The following PHB2 variants were observed in gnomAD, a reference collection of about 807,000 sequenced individuals.
The protein encoded by PHB2 is prohibitin 2, also known as prohibitin-2.
In PHB2, 22 loss-of-function variants were observed where a neutral mutation model predicts 46.4. The ratio of observed to expected loss-of-function variants is 0.47; its 90% CI spans 0.34 to 0.68. The LOEUF (loss-of-function observed/expected upper bound fraction) is 0.68. Among genes scored for constraint, PHB2 ranks in the 30% least tolerant of loss-of-function variants. The pLI is 0.01. For missense variants in PHB2, 305 were observed against 382.8 expected (o/e 0.80, Z 1.70); for synonymous variants, 156 against 150.5 (o/e 1.04, Z -0.27).
rs782519601 is a variant in PHB2, at chr12:6,965,719, GA to G, written c.873-8del. 10 of 1,609,186 alleles carry G rather than the reference GA, an allele frequency of 6.2e-6. No homozygotes were observed. The highest frequency in any genetic ancestry group is 4.5e-5 in the East Asian group (2 of 44,842). On this transcript the variant is annotated splice_region_variant and splice_polypyrimidine_tract_variant and intron_variant, in intron 9 of 9. Coordinates refer to ENST00000535923, the MANE Select transcript of PHB2 (RefSeq NM_001144831.2). The stretch of plus-strand genomic sequence containing the variant: ...ACCCTTGATGAGGCTGTCACTGTAG[GA>G]AAAAAAAGATAGATAATGACATTAT...
intron 2 of PHB2, 76 bp downstream of exon 2, chr12:6,970,120 C>A: frequency 9.3e-7 from 1 of 1,072,466 alleles, no homozygotes; most frequent in Non-Finnish European, 1.4e-6. Flanking sequence ...AATCCTGTTG[C>A]ACGTCCGACT....
In PHB2 at chr12:6,969,571, A is replaced by C. The variant is rs782314294; in HGVS notation, c.219T>G (p.Pro73=). The change falls in exon 3 of 10, where the codon CCT becomes CCG. Residue 73 remains proline, a synonymous_variant. Transcript: ENST00000535923. ...CATAGATAATGGGGTACTGGAACCAAGGGATCCTGGAGAGGACAGGGATAG... is the reference window on the plus strand; with the variant it reads ...CATAGATAATGGGGTACTGGAACCACGGGATCCTGGAGAGGACAGGGATAG... ...ILAEGLHFRI[P]WFQYPIIYDI... The C allele has an allele frequency of 6.2e-7, 1 of 1,604,260 alleles. No homozygotes were observed. Among genetic ancestry groups the C allele is most frequent in the East Asian group, 2.2e-5 (1 of 44,788 alleles).
chr12:6,969,807 G>C (rs1946285888), intron 2 of PHB2: 1 of 503,608 alleles, frequency 2.0e-6, no homozygotes, highest in Non-Finnish European at 3.6e-6. Flanking sequence ...GCTGAGGCAG[G>C]AGAATCGCTT....
At chr12:6,970,326 A>G (rs1565591770) in intron 1 of PHB2, 46 bp from the exon 2 acceptor site, 1 of 1,607,692 alleles carries the variant, frequency 6.2e-7, no homozygotes, top group East Asian at 2.2e-5. Flanking sequence ...TGCTCAGAGG[A>G]AATGCTAGGC....
rs1311457398 is a variant in PHB2, at chr12:6,970,643, G to A, written c.-100C>T. The A allele has an allele frequency of 2.2e-6, 3 of 1,366,928 alleles. No homozygotes were observed. The highest frequency in any genetic ancestry group is 1.5e-5 in the African/African-American group (1 of 68,822). The allele number at this position is 1,366,928 out of a possible 1,614,324, so 84.7% of individuals were successfully genotyped here. Reference sequence around the variant, plus strand: ...TACTGCACCCTTCACACGAGGGTTCGGGCCCGTAAGGCTGGCGAAAGAAAG... The same window carrying A: ...TACTGCACCCTTCACACGAGGGTTCAGGCCCGTAAGGCTGGCGAAAGAAAG... On this transcript the variant is annotated 5_prime_UTR_variant, in exon 1 of 10. Transcript: ENST00000535923.
intron 2 of PHB2, 105 bp downstream of exon 2, chr12:6,970,090 GT>G: frequency 1.2e-6 from 1 of 866,054 alleles, no homozygotes; most frequent in Non-Finnish European, 2.0e-6. Flanking sequence ...GATGAGGAGG[GT>G]GGGAAAAGAG....
chr12:6,969,355 C>T (rs1946276597), intron 3 of PHB2, 143 bp downstream of exon 3: 4 of 510,156 alleles, frequency 7.8e-6, no homozygotes, highest in African/African-American at 3.9e-5. Context: ...TGCTTTGACC[C>T]CAGGAGGCAG....
chr12:6,965,706 G>A lies in PHB2; in HGVS notation c.879C>T (p.Ser293=), dbSNP rs376132821. 9.6e-4 allele frequency: 1,542 copies of A among 1,611,314 alleles called. 23 individuals carry two copies. The South Asian group carries it at 0.016, about 17-fold the overall frequency. Residue 293 remains serine (S), a synonymous_variant, in exon 10 of 10, where the codon AGC becomes AGT. Coordinates refer to ENST00000535923, the MANE Select transcript of PHB2 (RefSeq NM_001144831.2). ...QDESFTRGSD[S]LIKGKK ...AGGCTCATTTCTTACCCTTGATGAG[G>A]CTGTCACTGTAGGAAAAAAAAGATA...
Position 6,968,006 on chromosome 12 carries a change from G to A in PHB2, c.493C>T (p.Arg165Cys), listed in dbSNP as rs782728839. The A allele has an allele frequency of 4.4e-6, 7 of 1,603,730 alleles. No individual in the cohort carries two copies. Among genetic ancestry groups the A allele is most frequent in the Admixed American group, 1.7e-5 (1 of 59,306 alleles). ...TTGGCCCTCTCTGTCAGCTCCCGGCGGATCAACAGGGATACCTGAGGGCAG... is the reference window on the plus strand; with the variant it reads ...TTGGCCCTCTCTGTCAGCTCCCGGCAGATCAACAGGGATACCTGAGGGCAG... Reference protein sequence around the residue: ...TQRAQVSLLIRRELTERAKDF... With the variant: ...TQRAQVSLLICRELTERAKDF... Residue 165 changes from arginine to cysteine, a missense_variant, in exon 5 of 10, where the codon CGC (arginine) becomes TGC (cysteine). This residue lies in a region of PHB2 where 241 missense variants were observed against 302.7 expected (regional missense o/e 0.80). Transcript: ENST00000535923.
intron 1 of PHB2, 28 bp downstream of exon 1, chr12:6,970,389 G>A (rs2099944780): frequency 6.2e-7 from 1 of 1,603,996 alleles, no homozygotes; most frequent in Admixed American, 1.7e-5. Flanking sequence ...GACTGGAAGC[G>A]TCCGGCGAGC....
rs782297873 is a variant in PHB2, at chr12:6,970,187, C to T, written c.212+9G>A. 2.5e-6 allele frequency: 4 copies of T among 1,605,620 alleles called. No homozygotes were observed. The highest frequency in any genetic ancestry group is 1.7e-5 in the Admixed American group (1 of 59,986). On this transcript the variant is annotated intron_variant, in intron 2 of 9. Coordinates refer to ENST00000535923, the MANE Select transcript of PHB2 (RefSeq NM_001144831.2). ...AAGGTCAGGGTCAGCAGGCTCTGCC[C>T]GCCATTACCTGAAGTGAAGGCCCTC... is the stretch of plus-strand genomic sequence containing the variant.
Position 6,967,363 on chromosome 12 carries a change from G to A in PHB2, c.712-115C>T, listed in dbSNP as rs1555150968. ...GTCAGATCCAAGGTTGCGCTCAGGT[G>A]GCTTGTGCCCAGCCCTACCGTGGAC... is the stretch of plus-strand genomic sequence containing the variant. On this transcript the variant is annotated intron_variant, in intron 6 of 9. Coordinates refer to ENST00000535923, the MANE Select transcript of PHB2 (RefSeq NM_001144831.2). This position sits in a 1 kb window ranked among gnomAD's most constrained non-coding sequence, Gnocchi z 4.9. The A allele has an allele frequency of 1.2e-6, 2 of 1,611,084 alleles. No homozygotes were observed. The highest frequency in any genetic ancestry group is 2.7e-5 in the African/African-American group (2 of 74,892).
Position 6,966,621 on chromosome 12 carries a change from G to A in PHB2, c.790-121C>T, listed in dbSNP as rs1320627019. On this transcript the variant is annotated intron_variant, in intron 7 of 9. Coordinates refer to ENST00000535923, the MANE Select transcript of PHB2 (RefSeq NM_001144831.2). ...GATTAGGGCAGGGGTGCAGCAATGAGTAACACATGGTTTCTGCTCGCACTT... is the reference window on the plus strand; with the variant it reads ...GATTAGGGCAGGGGTGCAGCAATGAATAACACATGGTTTCTGCTCGCACTT... 8 of 719,526 alleles carry A rather than the reference G, an allele frequency of 1.1e-5. 1 individual carries two copies. The East Asian group carries it at 2.0e-4, about 18-fold the overall frequency. 44.6% of individuals were successfully genotyped at this position (719,526 alleles called of 1,614,324 possible). A position where few individuals can be genotyped will look rare whatever the true frequency, so the allele number is the denominator to read the frequency against.
rs369609691 is a variant in PHB2 at position 6,968,419 on chromosome 12, G to T, written c.469C>A (p.Arg157=). 1 of 1,605,928 alleles carries T rather than the reference G, an allele frequency of 6.2e-7. No individual in the cohort carries two copies. The highest frequency in any genetic ancestry group is 2.2e-5 in the East Asian group (1 of 44,708). ...KFNASQLITQ[R]AQVSLLIRRE... ...GGTGGTGGGAGTCAGACCTGGGCCC[G>T]CTGGGTGATCAGCTGTGAGGCATTG... The change falls in exon 4 of 10, where the codon CGG becomes AGG. Residue 157 remains arginine (R), a synonymous_variant. Coordinates refer to ENST00000535923, the MANE Select transcript of PHB2 (RefSeq NM_001144831.2).
At chr12:6,968,160 T>TA in intron 4 of PHB2, 139 bp from the exon 5 acceptor site, 1 of 833,152 alleles carries the variant, frequency 1.2e-6, no homozygotes, top group Non-Finnish European at 1.8e-6. Flanking sequence ...ACCTGTAACA[T>TA]AAGCCTCTCT....
Position 6,970,616 on chromosome 12 carries a change from G to GA in PHB2, c.-74_-73insT. The stretch of plus-strand genomic sequence containing the variant: ...CCCGCCTCTACCCCGCTCCGGCTTA[G>GA]GTACTGCACCCTTCACACGAGGGTT... On this transcript the variant is annotated 5_prime_UTR_variant, in exon 1 of 10. Coordinates refer to ENST00000535923, the MANE Select transcript of PHB2 (RefSeq NM_001144831.2). 6.7e-7 allele frequency: 1 copy of GA among 1,491,094 alleles called. No individual in the cohort carries two copies. Among genetic ancestry groups the GA allele is most frequent in the Non-Finnish European group, 9.0e-7 (1 of 1,115,654 alleles). The allele number at this position is 1,491,094 out of a possible 1,614,324, so 92.4% of individuals were successfully genotyped here.
rs1946308569 is a variant in PHB2 at position 6,970,626 on chromosome 12, C to T, written c.-83G>A. The T allele has an allele frequency of 2.1e-6, 3 of 1,460,700 alleles. No homozygotes were observed. The highest frequency in any genetic ancestry group is 2.2e-5 in the Admixed American group (1 of 45,716). The allele number at this position is 1,460,700 out of a possible 1,614,324, so 90.5% of individuals were successfully genotyped here. Reference sequence around the variant, plus strand: ...CCCCGCTCCGGCTTAGGTACTGCACCCTTCACACGAGGGTTCGGGCCCGTA... The same window carrying T: ...CCCCGCTCCGGCTTAGGTACTGCACTCTTCACACGAGGGTTCGGGCCCGTA... On this transcript the variant is annotated 5_prime_UTR_variant, in exon 1 of 10. Coordinates refer to ENST00000535923, the MANE Select transcript of PHB2 (RefSeq NM_001144831.2).
intron 2 of PHB2, 31 bp downstream of exon 2, chr12:6,970,165 G>A: frequency 6.5e-7 from 1 of 1,546,520 alleles, no homozygotes; most frequent in Non-Finnish European, 8.9e-7. Context: ...AGGGTGAAAG[G>A]TCAGGGTCAG....
At position 6,969,592 on chromosome 12, in the gene PHB2, G is replaced by C. The variant is rs782818854; in HGVS notation, c.213-15C>G. The stretch of plus-strand genomic sequence containing the variant: ...ACCAAGGGATCCTGGAGAGGACAGG[G>C]ATAGGTATTAAGAGGCCACAGTTTC... On this transcript the variant is annotated splice_polypyrimidine_tract_variant and intron_variant, in intron 2 of 9. Coordinates refer to ENST00000535923, the MANE Select transcript of PHB2 (RefSeq NM_001144831.2). The C allele has an allele frequency of 9.7e-6, 15 of 1,549,952 alleles. No individual in the cohort carries two copies. Among genetic ancestry groups the C allele is most frequent in the Non-Finnish European group, 9.8e-6 (11 of 1,123,582 alleles).
Sources: gnomAD v4.1 joint callset for allele counts on GRCh38, gnomAD v4.1.1 for gene constraint, gnomAD v4.1.1 regional missense constraint, Gnocchi (gnomAD v3.1) non-coding constraint, MANE v1.5 for transcripts, NCBI Gene and HGNC (gene_info 2026-07-23, HGNC 2026-07-21) for gene names.